The following NSFL1C variants were observed in gnomAD, a reference collection of about 807,000 sequenced individuals.
NSFL1C encodes NSFL1 cofactor.
A neutral mutation model predicts 43.1 loss-of-function variants in NSFL1C; 14 were observed. The ratio of observed to expected loss-of-function variants is 0.32; its 90% confidence interval spans 0.21 to 0.51. The LOEUF (loss-of-function observed/expected upper bound fraction) is 0.51, where lower values mean the gene tolerates loss of function less well. Ranked by LOEUF, NSFL1C falls within the 20% of genes least tolerant of loss-of-function variation. The pLI is 0.98. For synonymous variants in NSFL1C, 171 were observed against 183.5 expected (o/e 0.93, Z 0.55); for missense variants, 406 against 472.5 (o/e 0.86, Z 1.30).
intron 7 of NSFL1C, among the ~76,000 whole-genome samples, chr20:1,447,708 TCAGG>T (rs1191599434): frequency 1.3e-5 from 2 of 152,208 alleles, no homozygotes; most frequent in Non-Finnish European, 2.9e-5. Flanking sequence ...TATAACGTTT[TCAGG>T]CAGGCCTAAG....
chr20:1,445,524 T>C (rs955160124), intron 8 of NSFL1C, 142 bp downstream of exon 8: 3 of 939,784 alleles, frequency 3.2e-6, no homozygotes, highest in African/African-American at 3.3e-5. Context: ...CTTGTAGTCC[T>C]TACCACCCTC....
intron 6 of NSFL1C, 88 bp from the exon 7 acceptor site, chr20:1,452,718 C>G: frequency 6.5e-7 from 1 of 1,532,948 alleles, no homozygotes; most frequent in South Asian, 1.2e-5. Context: ...CTCTCAGTCC[C>G]GTGGTGAAAA....
At chr20:1,463,587 T>C (rs2090455528) in intron 2 of NSFL1C, 1 of 152,250 alleles carries the variant, frequency 6.6e-6, no homozygotes, top group South Asian at 2.1e-4. Flanking sequence ...CTGTTGGTTA[T>C]ATTCTGGGGT....
chr20:1,446,642 T>C (rs2090065394), intron 7 of NSFL1C, among the ~76,000 whole-genome samples: 1 of 151,670 alleles, frequency 6.6e-6, no homozygotes, highest in South Asian at 2.1e-4. Flanking sequence ...AGGGGAAAAT[T>C]GCATAATGCA....
chr20:1,464,278 C>G, intron 2 of NSFL1C, 51 bp downstream of exon 2: 3 of 1,531,448 alleles, frequency 2.0e-6, no homozygotes, highest in Non-Finnish European at 2.7e-6. Context: ...AAAATAGCTC[C>G]TCTTCACTGC....
At chr20:1,455,643 C>T in intron 3 of NSFL1C, 1 of 779,422 alleles carries the variant, frequency 1.3e-6, no homozygotes, top group Non-Finnish European at 2.4e-6. Flanking sequence ...CCTGGGTAAG[C>T]CAGTGCACTA....
At chr20:1,445,402 T>G (rs1002528836) in intron 8 of NSFL1C, among the ~76,000 whole-genome samples, 1 of 152,090 alleles carries the variant, frequency 6.6e-6, no homozygotes, top group Non-Finnish European at 1.5e-5. Flanking sequence ...AAAAAAGCCC[T>G]GAGAAATCTA....
At chr20:1,463,042 A>T (rs530147319) in intron 2 of NSFL1C, among the ~76,000 whole-genome samples, 1 of 152,202 alleles carries the variant, frequency 6.6e-6, no homozygotes, top group Non-Finnish European at 1.5e-5. Context: ...TGAAACGTTA[A>T]GTAACCTGCC....
chr20:1,445,159 C>T (rs574426001), intron 8 of NSFL1C, among the ~76,000 whole-genome samples: 1 of 152,324 alleles, frequency 6.6e-6, no homozygotes, highest in South Asian at 2.1e-4. Flanking sequence ...TGATCCAGCC[C>T]AGATGGTCTG....
chr20:1,453,118 CA>C lies in NSFL1C; in HGVS notation c.559del (p.Trp187GlyfsTer39). On this transcript the variant is annotated frameshift_variant, in exon 6 of 9. Transcript: ENST00000216879. LOFTEE classifies it high-confidence loss of function. ...ATTATCCAGGCTGAATCCACTCTTC[CA>C]GAGTTTCAATACTACATGAACCTGT... ...SQDVHVVLKL[W>X]KSGFSLDNGE... The C allele has an allele frequency of 1.2e-6, 2 of 1,609,240 alleles. No individual in the cohort carries two copies. The highest frequency in any genetic ancestry group is 1.7e-6 in the Non-Finnish European group (2 of 1,175,616).
rs2090247486 is a variant in NSFL1C, at chr20:1,454,197, A to G, written c.537+16T>C. On this transcript the variant is annotated intron_variant, in intron 5 of 8. Coordinates refer to ENST00000216879, the MANE Select transcript of NSFL1C (RefSeq NM_016143.5). ...CAGTCCACAAGCTTCCCTCATGGGA[A>G]GGTGGATGCACTCACATCTTGGCTG... The G allele has an allele frequency of 1.3e-6, 2 of 1,598,594 alleles. No homozygotes were observed. The highest frequency in any genetic ancestry group is 1.7e-5 in the Admixed American group (1 of 59,980).
intron 1 of NSFL1C, 151 bp downstream of exon 1, chr20:1,466,569 C>A: frequency 1.5e-6 from 1 of 668,498 alleles, no homozygotes; most frequent in Non-Finnish European, 2.4e-6. Context: ...GCAGGCGACG[C>A]GTGACAAGCG....
chr20:1,455,606 T>C (rs1225495234), intron 3 of NSFL1C: 1 of 775,504 alleles, frequency 1.3e-6, no homozygotes, highest in African/African-American at 1.7e-5. Flanking sequence ...GCAGCTAGGC[T>C]CCAGTCTTGG....
chr20:1,453,033 T>A lies in NSFL1C; in HGVS notation c.645A>T (p.Arg215Ser). ...TACAGGAGGGCTTTTTCACTCACCC[T>A]CTGCGGATAGACTCCAGAAACTGGG... ...SNAQFLESIR[R>S]GEVPAELRRL... Residue 215 changes from arginine (R) to serine (S), a missense_variant and splice_region_variant, in exon 6 of 9, where the codon AGA becomes AGT. By Grantham distance (110) the Arg-to-Ser change is moderately radical. Around this residue, in one of 3 missense-constraint regions of NSFL1C, gnomAD observed 196 missense variants for 228.0 expected, o/e 0.86. Transcript: ENST00000216879. 1 of 1,592,492 alleles carries A rather than the reference T, an allele frequency of 6.3e-7. No individual in the cohort carries two copies. The highest frequency in any genetic ancestry group is 8.6e-7 in the Non-Finnish European group (1 of 1,160,246).
At chr20:1,447,604 C>G (rs1451079164) in intron 7 of NSFL1C, among the ~76,000 whole-genome samples, 3 of 152,244 alleles carry the variant, frequency 2.0e-5, no homozygotes, top group East Asian at 3.9e-4. Context: ...TAGGTTAACT[C>G]TCCAATTAGA....
chr20:1,442,912 AACTC>A lies in NSFL1C; in HGVS notation c.*833_*836del, dbSNP rs1487390959. The A allele has an allele frequency of 2.6e-5, 4 of 152,198 alleles. No individual in the cohort carries two copies. Among genetic ancestry groups the A allele is most frequent in the African/African-American group, 9.7e-5 (4 of 41,444 alleles). The allele number at this position is 152,198 out of a possible 1,614,324, so 9.4% of individuals were successfully genotyped here. ...TATAGGGCAAGATACCCTGATTCTG[AACTC>A]ACTTAGGATGGGTTGGCATGAGCTG... is the stretch of plus-strand genomic sequence containing the variant. On this transcript the variant is annotated 3_prime_UTR_variant, in exon 9 of 9. Coordinates refer to ENST00000216879, the MANE Select transcript of NSFL1C (RefSeq NM_016143.5).
chr20:1,464,306 C>G, intron 2 of NSFL1C, 23 bp downstream of exon 2: 1 of 1,600,864 alleles, frequency 6.2e-7, no homozygotes, highest in South Asian at 1.1e-5. Context: ...ACTCATGTAG[C>G]GATAATTGAA....
At chr20:1,464,795 T>C (rs1392585101) in intron 1 of NSFL1C, among the ~76,000 whole-genome samples, 1 of 152,218 alleles carries the variant, frequency 6.6e-6, no homozygotes, top group East Asian at 1.9e-4. Context: ...CTCTATGCTA[T>C]TAGTACTCTT....
At chr20:1,462,866 G>C (rs1185430609) in intron 2 of NSFL1C, among the ~76,000 whole-genome samples, 1 of 152,156 alleles carries the variant, frequency 6.6e-6, no homozygotes, top group African/African-American at 2.4e-5. Flanking sequence ...TTGGGGAATA[G>C]AGTAAACAAA....
Sources: allele counts gnomAD v4.1 joint callset (sites outside exome capture counted in the v4.1 genomes callset), GRCh38; gene constraint gnomAD v4.1.1; regional missense constraint gnomAD v4.1.1; transcripts MANE v1.5; gene names NCBI Gene and HGNC (gene_info 2026-07-23, HGNC 2026-07-21).